Variants in TSC22D1 observed in about 807,000 individuals in gnomAD.
TSC22D1 encodes the protein TSC22 domain family member 1.
A neutral mutation model predicts 74.2 loss-of-function variants in TSC22D1; 9 were observed. The ratio of observed to expected loss-of-function variants is 0.12; its 90% CI spans 0.07 to 0.21. TSC22D1 has a LOEUF of 0.21. Ranked by LOEUF, TSC22D1 falls within the 10% of genes least tolerant of loss-of-function variation. The pLI, the probability that TSC22D1 is intolerant of heterozygous loss-of-function variation, is 1.00. For missense variants in TSC22D1, 1,427 were observed against 1,304.7 expected (o/e 1.09, Z -1.44); for synonymous variants, 586 against 492.5 (o/e 1.19, Z -2.51).
chr13:44,545,291 C>T (rs1179345194), intron 1 of TSC22D1, among the ~76,000 whole-genome samples: 1 of 152,062 alleles, frequency 6.6e-6, no homozygotes, highest in Non-Finnish European at 1.5e-5. Context: ...GCCGAGATCA[C>T]ACCACTGCAC....
intron 1 of TSC22D1, among the ~76,000 whole-genome samples, chr13:44,445,673 T>C (rs1230711728): frequency 6.6e-6 from 1 of 151,862 alleles, no homozygotes; most frequent in African/African-American, 2.4e-5. Context: ...CAAAACTCAA[T>C]AGCAAGAAAA....
chr13:44,442,914 CAAAAA>C (rs386378995), intron 1 of TSC22D1, among the ~76,000 whole-genome samples: 1 of 87,052 alleles, frequency 1.1e-5, no homozygotes, highest in Non-Finnish European at 2.1e-5. Context: ...GAGACTCTGT[CAAAAA>C]AAAAAAAAAA....
chr13:44,456,619 C>G (rs548938904), intron 1 of TSC22D1, among the ~76,000 whole-genome samples: 69 of 152,296 alleles, frequency 4.5e-4, no homozygotes, highest in Non-Finnish European at 8.7e-4. Flanking sequence ...ATAGCCAACA[C>G]TCAGTCAAAA....
intron 1 of TSC22D1, chr13:44,540,030 C>T (rs1006804584): frequency 2.3e-6 from 2 of 851,100 alleles, no homozygotes; most frequent in South Asian, 1.5e-5. Flanking sequence ...TAAAAAGGAG[C>T]TACCTTTGGG....
intron 1 of TSC22D1, chr13:44,516,347 C>T (rs1566148750): frequency 2.1e-6 from 1 of 467,550 alleles, no homozygotes; most frequent in Non-Finnish European, 4.2e-6. Context: ...GAAGAACCTG[C>T]TTTTTAAAAA....
At chr13:44,536,024 T>C (rs1332651293) in intron 1 of TSC22D1, among the ~76,000 whole-genome samples, 17 of 151,898 alleles carry the variant, frequency 1.1e-4, no homozygotes, top group Admixed American at 1.1e-3. Flanking sequence ...TGTAAACCTT[T>C]TAATAGCTTT....
chr13:44,538,164 C>T, intron 1 of TSC22D1: 3 of 985,256 alleles, frequency 3.0e-6, no homozygotes, highest in Non-Finnish European at 3.6e-6. Flanking sequence ...CAGTACCAAA[C>T]TTTAGAATGC....
At chr13:44,462,636 T>C (rs1332321340) in intron 1 of TSC22D1, among the ~76,000 whole-genome samples, 1 of 152,192 alleles carries the variant, frequency 6.6e-6, no homozygotes, top group Non-Finnish European at 1.5e-5. Flanking sequence ...AATATCAAGA[T>C]CTGTAAAGTG....
intron 1 of TSC22D1, among the ~76,000 whole-genome samples, chr13:44,471,754 T>G (rs958004343): frequency 6.6e-5 from 10 of 152,332 alleles, no homozygotes; most frequent in Non-Finnish European, 1.2e-4. Context: ...AATAAAATAT[T>G]GAAAGCTTAT....
intron 1 of TSC22D1, among the ~76,000 whole-genome samples, chr13:44,505,425 G>A (rs561293140): frequency 2.3e-4 from 35 of 152,226 alleles, no homozygotes; most frequent in East Asian, 1.9e-4. Flanking sequence ...GTGGTGGTGC[G>A]TGTCTATGAT....
At chr13:44,449,732 T>C (rs1875971076) in intron 1 of TSC22D1, among the ~76,000 whole-genome samples, 1 of 152,038 alleles carries the variant, frequency 6.6e-6, no homozygotes, top group Non-Finnish European at 1.5e-5. Flanking sequence ...GAAATAAAAA[T>C]TTACAATGAG....
chr13:44,489,517 CAAAT>C (rs780521896), intron 1 of TSC22D1, among the ~76,000 whole-genome samples: 17 of 151,118 alleles, frequency 1.1e-4, no homozygotes, highest in Admixed American at 7.9e-4. Flanking sequence ...AAAAAAAAGA[CAAAT>C]AAACCACTAG....
At chr13:44,500,400 C>T (rs1352245957) in intron 1 of TSC22D1, among the ~76,000 whole-genome samples, 1 of 152,170 alleles carries the variant, frequency 6.6e-6, no homozygotes, top group African/African-American at 2.4e-5. Context: ...AATTATTTCA[C>T]AGCTGTTCAA....
chr13:44,569,320 A>G (rs556793840), intron 1 of TSC22D1, among the ~76,000 whole-genome samples: 12 of 152,218 alleles, frequency 7.9e-5, no homozygotes, highest in African/African-American at 2.2e-4. Context: ...GCTATATTAC[A>G]TATCTAGTGG....
At chr13:44,553,875 T>C (rs1451718448) in intron 1 of TSC22D1, among the ~76,000 whole-genome samples, 1 of 152,216 alleles carries the variant, frequency 6.6e-6, no homozygotes, top group Non-Finnish European at 1.5e-5. Flanking sequence ...TTTAGAATGA[T>C]GGTGCTAGAT....
At chr13:44,444,028 T>C (rs1252748423) in intron 1 of TSC22D1, among the ~76,000 whole-genome samples, 1 of 152,002 alleles carries the variant, frequency 6.6e-6, no homozygotes. Flanking sequence ...GGCTCACGCC[T>C]GTAATCCCAG....
intron 1 of TSC22D1, among the ~76,000 whole-genome samples, chr13:44,528,506 T>G (rs1880663844): frequency 6.6e-6 from 1 of 151,958 alleles, no homozygotes; most frequent in Non-Finnish European, 1.5e-5. Flanking sequence ...AAAATAAAAA[T>G]AGTTTATCAA....
At chr13:44,502,325 GATTA>G (rs2137985945) in intron 1 of TSC22D1, among the ~76,000 whole-genome samples, 1 of 152,254 alleles carries the variant, frequency 6.6e-6, no homozygotes, top group East Asian at 1.9e-4. Context: ...TCTCACCTCT[GATTA>G]ATTAAATTGT....
chr13:44,508,563 C>T (rs945283459), intron 1 of TSC22D1, among the ~76,000 whole-genome samples: 2 of 152,104 alleles, frequency 1.3e-5, no homozygotes, highest in Admixed American at 1.3e-4. Context: ...CTCTATAATC[C>T]GTTTCTCCAT....
Sources: gnomAD v4.1 joint callset for allele counts (sites outside exome capture counted in the v4.1 genomes callset) on GRCh38, gnomAD v4.1.1 for gene constraint, MANE v1.5 for transcripts, NCBI Gene and HGNC (gene_info 2026-07-23, HGNC 2026-07-21) for gene names.